The following EBF1 variants were observed in gnomAD, a reference collection of about 807,000 sequenced individuals.
The protein encoded by EBF1 is EBF transcription factor 1, also known as transcription factor COE1.
A neutral mutation model predicts 68.4 loss-of-function variants in EBF1; 10 were observed. The observed-to-expected ratio is 0.15, with a 90% CI of 0.09 to 0.25. EBF1 has a LOEUF of 0.25. EBF1 is among the 10% of genes least tolerant of loss of function. EBF1 has a pLI of 1.00. For synonymous variants in EBF1, 298 were observed against 299.8 expected, an observed-to-expected ratio of 0.99 and a Z score of 0.06; for missense variants, 509 against 794.4, an observed-to-expected ratio of 0.64 and a Z score of 4.32.
chr5:158,923,926 G>T (rs1304593834), intron 6 of EBF1, among the ~76,000 whole-genome samples: 3 of 152,050 alleles, frequency 2.0e-5, no homozygotes, highest in Non-Finnish European at 4.4e-5. Flanking sequence ...GCCTTTTTTG[G>T]GTACAGCAAC....
chr5:158,909,804 GC>G (rs1482836955), intron 6 of EBF1, among the ~76,000 whole-genome samples: 1 of 151,884 alleles, frequency 6.6e-6, no homozygotes, highest in East Asian at 1.9e-4. Flanking sequence ...GGACGTGGTG[GC>G]ACAGGCCTTT....
chr5:158,859,858 C>T (rs190011969), intron 6 of EBF1, among the ~76,000 whole-genome samples: 1 of 152,302 alleles, frequency 6.6e-6, no homozygotes, highest in East Asian at 1.9e-4. Flanking sequence ...CACTTATTAC[C>T]TTGTACTTTG....
At chr5:159,021,854 G>A (rs1384534618) in intron 6 of EBF1, among the ~76,000 whole-genome samples, 1 of 152,084 alleles carries the variant, frequency 6.6e-6, no homozygotes, top group African/African-American at 2.4e-5. Context: ...AATACCATTA[G>A]TCTCAGTCTC....
chr5:158,839,378 G>T (rs534497434), intron 7 of EBF1, among the ~76,000 whole-genome samples: 1 of 152,150 alleles, frequency 6.6e-6, no homozygotes, highest in Admixed American at 6.5e-5. Context: ...TTGTTTGTTT[G>T]TTTGTTTTTG....
chr5:158,997,015 C>G (rs903751990), intron 6 of EBF1, among the ~76,000 whole-genome samples: 2 of 152,168 alleles, frequency 1.3e-5, no homozygotes, highest in Non-Finnish European at 2.9e-5. Flanking sequence ...ATCCAAATCT[C>G]AAGGATCAGA....
At chr5:158,958,387 T>C (rs1446417980) in intron 6 of EBF1, among the ~76,000 whole-genome samples, 1 of 152,154 alleles carries the variant, frequency 6.6e-6, no homozygotes, top group Non-Finnish European at 1.5e-5. Flanking sequence ...CGGTGCTGAT[T>C]GGAGTACCAC....
chr5:158,971,740 T>TA (rs1323992492), intron 6 of EBF1, among the ~76,000 whole-genome samples: 2 of 152,076 alleles, frequency 1.3e-5, no homozygotes, highest in African/African-American at 4.8e-5. Context: ...CTGTGGCCTC[T>TA]AAAAAGCCCA....
chr5:158,992,534 A>G (rs1490085299), intron 6 of EBF1, among the ~76,000 whole-genome samples: 2 of 152,212 alleles, frequency 1.3e-5, no homozygotes, highest in African/African-American at 4.8e-5. Flanking sequence ...TGTAATTATA[A>G]TGCTAGGATT....
intron 6 of EBF1, among the ~76,000 whole-genome samples, chr5:159,008,011 A>T (rs573134070): frequency 3.5e-4 from 53 of 152,332 alleles, no homozygotes; most frequent in Middle Eastern, 6.8e-3. Flanking sequence ...TTTAATCATG[A>T]TGTGGGAGAT....
chr5:158,718,629 G>C (rs1469207621), intron 11 of EBF1, among the ~76,000 whole-genome samples: 1 of 152,168 alleles, frequency 6.6e-6, no homozygotes, highest in Admixed American at 6.5e-5. Flanking sequence ...CTGACACTCA[G>C]AGAGGTCAGC....
In EBF1 at chr5:158,840,645, G is replaced by GTTTTTTTTTTTTTT. The variant is rs534374216; in HGVS notation, c.555-549_555-536dup. 1.4e-4 allele frequency among the ~76,000 whole-genome samples: 9 copies of GTTTTTTTTTTTTTT among 64,778 alleles called. 2 individuals are homozygous for GTTTTTTTTTTTTTT. The highest frequency in any genetic ancestry group is 2.5e-4 in the Admixed American group (1 of 3,922). 42.5% of individuals were successfully genotyped at this position (64,778 alleles called of 152,430 possible). ...TCCTTTGACTTCTCAAATACCTCCT[G>GTTTTTTTTTTTTTT]TTTTTTTTTTTTTTTTTTTTTTTTT... is the stretch of plus-strand genomic sequence containing the variant. On this transcript the variant is annotated intron_variant, in intron 6 of 15. Transcript: ENST00000313708.
At chr5:158,946,778 G>A (rs1814819480) in intron 6 of EBF1, among the ~76,000 whole-genome samples, 1 of 152,208 alleles carries the variant, frequency 6.6e-6, no homozygotes. Flanking sequence ...TGCTGAAGCT[G>A]CACCCACAGC....
chr5:158,873,271 C>T (rs1051358832), intron 6 of EBF1, among the ~76,000 whole-genome samples: 7 of 152,070 alleles, frequency 4.6e-5, no homozygotes, highest in Non-Finnish European at 7.4e-5. Context: ...CAAAAGTGCA[C>T]GTCTTTACCC....
intron 10 of EBF1, among the ~76,000 whole-genome samples, chr5:158,735,195 C>T (rs1379274032): frequency 6.6e-6 from 1 of 152,110 alleles, no homozygotes; most frequent in Non-Finnish European, 1.5e-5. Flanking sequence ...AGATGAAATC[C>T]TCTACTTGCA....
chr5:158,886,157 A>G (rs1799993051), intron 6 of EBF1, among the ~76,000 whole-genome samples: 1 of 152,254 alleles, frequency 6.6e-6, no homozygotes, highest in Non-Finnish European at 1.5e-5. Flanking sequence ...GCTATTGTCT[A>G]TGCAGCCTGT....
At chr5:158,877,826 G>A (rs1327601241) in intron 6 of EBF1, among the ~76,000 whole-genome samples, 1 of 151,886 alleles carries the variant, frequency 6.6e-6, no homozygotes, top group Non-Finnish European at 1.5e-5. Flanking sequence ...TCCAATAATG[G>A]TTGGGAAGCC....
At chr5:158,760,761 G>A (rs919654080) in intron 10 of EBF1, among the ~76,000 whole-genome samples, 1 of 151,948 alleles carries the variant, frequency 6.6e-6, no homozygotes. Flanking sequence ...CTGAATTATT[G>A]CTTCATTTTT....
At chr5:158,754,509 C>G (rs1474354805) in intron 10 of EBF1, among the ~76,000 whole-genome samples, 4 of 152,124 alleles carry the variant, frequency 2.6e-5, no homozygotes, top group African/African-American at 9.7e-5. Flanking sequence ...ACATAAGAAT[C>G]CACACAAGGC....
intron 8 of EBF1, among the ~76,000 whole-genome samples, chr5:158,821,099 C>T (rs1267303408): frequency 2.0e-5 from 3 of 152,168 alleles, no homozygotes; most frequent in East Asian, 1.9e-4. Flanking sequence ...CAGCCTCCAC[C>T]CAGCCCACTT....
Sources: gnomAD v4.1 joint callset for allele counts (sites outside exome capture counted in the v4.1 genomes callset) on GRCh38, gnomAD v4.1.1 for gene constraint, MANE v1.5 for transcripts, NCBI Gene and HGNC (gene_info 2026-07-23, HGNC 2026-07-21) for gene names.